The following GALC variants were observed in gnomAD, a reference collection of about 807,000 sequenced individuals.
The protein encoded by GALC is galactocerebrosidase.
A neutral mutation model predicts 91.8 loss-of-function variants in GALC; 77 were observed. The ratio of observed to expected loss-of-function variants is 0.84; its 90% CI spans 0.70 to 1.01. The LOEUF (loss-of-function observed/expected upper bound fraction) is 1.01, where lower values mean the gene tolerates loss of function less well. Among genes scored for constraint, GALC ranks in the 50% least tolerant of loss-of-function variants. GALC has a pLI of 0.00. For synonymous variants in GALC, 357 were observed against 306.7 expected (o/e 1.16, Z -1.71); for missense variants, 882 against 855.9 (o/e 1.03, Z -0.38).
chr14:87,981,990 G>A (rs369773384), intron 6 of GALC, among the ~76,000 whole-genome samples: 9 of 151,884 alleles, frequency 5.9e-5, no homozygotes, highest in African/African-American at 1.9e-4. Context: ...AAGGTAATTC[G>A]GGGCTCACAA....
At chr14:87,956,784 G>T (rs966478304) in intron 10 of GALC, among the ~76,000 whole-genome samples, 2 of 151,966 alleles carry the variant, frequency 1.3e-5, no homozygotes, top group African/African-American at 4.8e-5. Context: ...ATATCCAGTA[G>T]TAGGATTGCA....
At chr14:87,970,440 A>G (rs1886237683) in intron 7 of GALC, among the ~76,000 whole-genome samples, 1 of 152,136 alleles carries the variant, frequency 6.6e-6, no homozygotes. Context: ...GGAATAGGTG[A>G]TATATCCTTC....
Position 87,976,505 on chromosome 14 carries a change from C to T in GALC, c.622-17G>A, listed in dbSNP as rs777994699. 6.3e-6 allele frequency: 10 copies of T among 1,598,476 alleles called. No individual in the cohort carries two copies. The highest frequency in any genetic ancestry group is 8.6e-6 in the Non-Finnish European group (10 of 1,166,098). On this transcript the variant is annotated splice_polypyrimidine_tract_variant and intron_variant, in intron 6 of 16. Transcript: ENST00000261304. The stretch of plus-strand genomic sequence containing the variant: ...TCTTAATATCTTTTGGAGTAAGAAA[C>T]AGAACATATGAAAGGATACAAATGA...
chr14:87,987,077 GA>G, intron 3 of GALC: 1 of 440,400 alleles, frequency 2.3e-6, no homozygotes, highest in Non-Finnish European at 4.5e-6. Context: ...GAAGAGTTTT[GA>G]GGAAAAAAAA....
chr14:87,970,146 C>T (rs1043824335), intron 7 of GALC, among the ~76,000 whole-genome samples: 1 of 152,106 alleles, frequency 6.6e-6, no homozygotes, highest in Non-Finnish European at 1.5e-5. Context: ...CATTCTATTT[C>T]CATGAAATTC....
Position 87,933,646 on chromosome 14 carries a change from TATAA to T in GALC, c.*1082_*1085del. ...TAGAATTAGTTCAATGAGTAATTCT[TATAA>T]ATAATTCTAGATTTACTTTACCTAC... On this transcript the variant is annotated 3_prime_UTR_variant, in exon 17 of 17. Coordinates refer to ENST00000261304, the MANE Select transcript of GALC (RefSeq NM_000153.4). 4.3e-6 allele frequency: 1 copy of T among 232,580 alleles called. No individual in the cohort carries two copies. The highest frequency in any genetic ancestry group is 8.3e-6 in the Non-Finnish European group (1 of 120,852). The allele number at this position is 232,580 out of a possible 1,614,324, so 14.4% of individuals were successfully genotyped here.
Position 87,933,395 on chromosome 14 carries a change from AC to A in GALC, c.*1336del, listed in dbSNP as rs1254384863. 6.6e-6 allele frequency: 1 copy of A among 152,566 alleles called. No individual in the cohort carries two copies. Among genetic ancestry groups the A allele is most frequent in the Non-Finnish European group, 1.5e-5 (1 of 68,008 alleles). The allele number at this position is 152,566 out of a possible 1,614,324, so 9.5% of individuals were successfully genotyped here. On this transcript the variant is annotated 3_prime_UTR_variant, in exon 17 of 17. Coordinates refer to ENST00000261304, the MANE Select transcript of GALC (RefSeq NM_000153.4). ...TGGGTATATCAATTTATCAAAACTC[AC>A]TGAATTGTATATTTAAAGTAGGAAC...
intron 10 of GALC, among the ~76,000 whole-genome samples, chr14:87,962,348 C>T (rs142234401): frequency 2.0e-5 from 3 of 148,654 alleles, no homozygotes; most frequent in Admixed American, 6.7e-5. Context: ...TCTTTTTACA[C>T]CCTCTTTTGA....
intron 14 of GALC, among the ~76,000 whole-genome samples, chr14:87,945,063 A>G (rs1885009119): frequency 6.6e-6 from 1 of 152,032 alleles, no homozygotes; most frequent in South Asian, 2.1e-4. Flanking sequence ...CTAAATAAAA[A>G]GTTAAATTCA....
At position 87,965,649 on chromosome 14, in the gene GALC, A is replaced by T. The variant is rs747958382; in HGVS notation, c.909-20T>A. ...ATTGTGCTAAAAGATTTGATAAAAA[A>T]GAAACACCAAGACAACTTGTGATAA... is the stretch of plus-strand genomic sequence containing the variant. On this transcript the variant is annotated intron_variant, in intron 8 of 16. Coordinates refer to ENST00000261304, the MANE Select transcript of GALC (RefSeq NM_000153.4). The T allele has an allele frequency of 1.9e-6, 3 of 1,612,366 alleles. No individual in the cohort carries two copies. The highest frequency in any genetic ancestry group is 2.5e-6 in the Non-Finnish European group (3 of 1,178,796).
chr14:87,963,685 A>G (rs1321044723), intron 9 of GALC, among the ~76,000 whole-genome samples, 174 bp from the exon 10 acceptor site: 1 of 152,108 alleles, frequency 6.6e-6, no homozygotes, highest in Non-Finnish European at 1.5e-5. Flanking sequence ...TAATTAATCT[A>G]GATAAATGGT....
In GALC at chr14:87,976,655, C is replaced by G. The variant is rs547582334; in HGVS notation, c.622-167G>C. 1.4e-3 allele frequency: 863 copies of G among 602,836 alleles called. 8 individuals are homozygous for G. The highest frequency in any genetic ancestry group is 0.014 in the African/African-American group (772 of 54,082). 37.3% of individuals were successfully genotyped at this position (602,836 alleles called of 1,614,324 possible). A position where few individuals can be genotyped will look rare whatever the true frequency, so the allele number is the denominator to read the frequency against. ...TCTCAGACAGAGGCTTCTCTCGTCG[C>G]CCAGGCTGGAGTGCAGTGGCAGGAT... On this transcript the variant is annotated intron_variant, in intron 6 of 16. Coordinates refer to ENST00000261304, the MANE Select transcript of GALC (RefSeq NM_000153.4).
At chr14:87,968,642 A>G in intron 7 of GALC, 152 bp from the exon 8 acceptor site, 1 of 756,788 alleles carries the variant, frequency 1.3e-6, no homozygotes, top group East Asian at 2.7e-5. Context: ...AATGAATCTA[A>G]GCATCTGCTT....
intron 6 of GALC, among the ~76,000 whole-genome samples, chr14:87,977,111 C>T (rs550344441): frequency 1.3e-5 from 2 of 151,168 alleles, no homozygotes; most frequent in East Asian, 1.9e-4. Context: ...TGCATTCTTC[C>T]AGGAAGTCTC....
intron 10 of GALC, 58 bp from the exon 11 acceptor site, chr14:87,950,806 A>G: frequency 4.6e-6 from 5 of 1,076,612 alleles, no homozygotes; most frequent in Non-Finnish European, 7.1e-6. Flanking sequence ...CTTAGGGGAA[A>G]AAAAGTTCAA....
At position 87,939,941 on chromosome 14, in the gene GALC, T is replaced by C. The variant is rs752821190; in HGVS notation, c.1875A>G (p.Thr625=). 6.2e-7 allele frequency: 1 copy of C among 1,611,114 alleles called. No individual in the cohort carries two copies. The highest frequency in any genetic ancestry group is 8.5e-7 in the Non-Finnish European group (1 of 1,177,772). ...IIYALGRVEV[T]AKKWYTLTLT... is the part of the protein sequence containing the mutation. The stretch of plus-strand genomic sequence containing the variant: ...ACGTGAGTGTATACCATTTTTTTGC[T>C]GTAACTTCAACACGTCCTAAAGCAT... Residue 625 remains threonine (T), a synonymous_variant, in exon 16 of 17, where the codon ACA becomes ACG. Coordinates refer to ENST00000261304, the MANE Select transcript of GALC (RefSeq NM_000153.4).
chr14:87,953,446 A>T, intron 10 of GALC: 1 of 1,544,232 alleles, frequency 6.5e-7, no homozygotes, highest in Non-Finnish European at 8.9e-7. Flanking sequence ...TGTTTTTCCT[A>T]AAACAGAAAA....
intron 12 of GALC, 101 bp from the exon 13 acceptor site, chr14:87,947,979 C>A: frequency 1.9e-6 from 2 of 1,045,016 alleles, no homozygotes; most frequent in Non-Finnish European, 2.9e-6. Context: ...AAGTCCAAAT[C>A]ATTTCTGTTA....
chr14:87,980,968 G>A (rs1325493562), intron 6 of GALC, among the ~76,000 whole-genome samples: 2 of 152,192 alleles, frequency 1.3e-5, no homozygotes, highest in African/African-American at 4.8e-5. Context: ...GCATGTGCAA[G>A]TATCTTTTTT....
Sources: allele counts gnomAD v4.1 joint callset (sites outside exome capture counted in the v4.1 genomes callset), GRCh38; gene constraint gnomAD v4.1.1; transcripts MANE v1.5; gene names NCBI Gene and HGNC (gene_info 2026-07-23, HGNC 2026-07-21).